Variants in MYO5C observed in about 807,000 individuals in gnomAD.
The protein encoded by MYO5C is unconventional myosin-Vc.
In MYO5C, 194 loss-of-function variants were observed where a neutral mutation model predicts 235.7. The observed-to-expected ratio is 0.82, with a 90% CI of 0.73 to 0.93. The LOEUF is 0.93. Among genes scored for constraint, MYO5C ranks in the 40% least tolerant of loss-of-function variants. The probability of loss-of-function intolerance (pLI) is 0.00; values close to 1 mark genes in which losing one functional copy is unlikely to be tolerated. For missense variants in MYO5C, 2,038 were observed against 2,127.2 expected, an observed-to-expected ratio of 0.96 and a Z score of 0.82; for synonymous variants, 707 against 754.8, an observed-to-expected ratio of 0.94 and a Z score of 1.04.
chr15:52,204,793 C>T (rs539529455), intron 38 of MYO5C, 72 bp downstream of exon 38: 19 of 1,534,356 alleles, frequency 1.2e-5, no homozygotes, highest in Admixed American at 3.7e-5. Flanking sequence ...GGGTCAGGCG[C>T]GTGGGGCCTC....
chr15:52,295,731 C>T lies in MYO5C; in HGVS notation c.-95G>A. On this transcript the variant is annotated 5_prime_UTR_variant, in exon 1 of 41. Transcript: ENST00000261839. ...AGAGGCCGGGCGCAGGAGAGACCGC[C>T]GCGGAAATCACCGCCGGGCCATCTT... The T allele has an allele frequency of 4.7e-6, 4 of 850,576 alleles. No homozygotes were observed. Among genetic ancestry groups the T allele is most frequent in the Admixed American group, 4.3e-5 (1 of 23,276 alleles). The allele number at this position is 850,576 out of a possible 1,614,324, so 52.7% of individuals were successfully genotyped here.
chr15:52,199,355 T>TG (rs2035130694), intron 38 of MYO5C, among the ~76,000 whole-genome samples: 1 of 152,166 alleles, frequency 6.6e-6, no homozygotes, highest in Non-Finnish European at 1.5e-5. Context: ...CCCAGTGAGA[T>TG]GGAGTAACCA....
chr15:52,231,469 G>T (rs934738264), intron 24 of MYO5C, among the ~76,000 whole-genome samples: 1 of 152,184 alleles, frequency 6.6e-6, no homozygotes, highest in Non-Finnish European at 1.5e-5. Flanking sequence ...GACAGATGCC[G>T]AGAGCCGAGC....
chr15:52,277,725 G>A (rs1294682472), intron 4 of MYO5C: 9 of 401,442 alleles, frequency 2.2e-5, no homozygotes, highest in Admixed American at 1.4e-4. Context: ...TGAGGATGAC[G>A]GCCCCACCCC....
chr15:52,264,695 G>T (rs1213727595), intron 8 of MYO5C, among the ~76,000 whole-genome samples: 1 of 152,136 alleles, frequency 6.6e-6, no homozygotes, highest in Non-Finnish European at 1.5e-5. Flanking sequence ...GAGGGATTCC[G>T]TTTGCCCCTC....
chr15:52,242,998 G>A (rs1458030432), intron 19 of MYO5C: 1 of 152,324 alleles, frequency 6.6e-6, no homozygotes, highest in South Asian at 2.1e-4. Context: ...AAATAGATGT[G>A]CACCATTTGT....
Position 52,272,437 on chromosome 15 carries a change from A to G in MYO5C, c.750+143T>C, listed in dbSNP as rs964944176. ...ATCCATCAATTTTTAATAAACAGAA[A>G]AAAGAATCCAAACTGCAAATGAAAG... On this transcript the variant is annotated intron_variant, in intron 6 of 40. Transcript: ENST00000261839. 12 of 769,758 alleles carry G rather than the reference A, an allele frequency of 1.6e-5. No individual in the cohort carries two copies. In the African/African-American group the frequency reaches 2.1e-4, roughly 14 times the overall value. 47.7% of individuals were successfully genotyped at this position (769,758 alleles called of 1,614,324 possible). A position where few individuals can be genotyped will look rare whatever the true frequency, so the allele number is the denominator to read the frequency against.
At chr15:52,210,108 C>T (rs1321711670) in intron 35 of MYO5C, among the ~76,000 whole-genome samples, 1 of 152,072 alleles carries the variant, frequency 6.6e-6, no homozygotes, top group Non-Finnish European at 1.5e-5. Context: ...GGACTACAGG[C>T]ACACACCACC....
At chr15:52,279,906 T>C (rs1045563816) in intron 2 of MYO5C, among the ~76,000 whole-genome samples, 1 of 152,264 alleles carries the variant, frequency 6.6e-6, no homozygotes, top group East Asian at 1.9e-4. Flanking sequence ...ACTCACCCTC[T>C]CTGGGCCTCA....
intron 38 of MYO5C, among the ~76,000 whole-genome samples, chr15:52,200,961 G>C (rs1157079573): frequency 1.3e-5 from 2 of 152,138 alleles, no homozygotes; most frequent in Non-Finnish European, 2.9e-5. Flanking sequence ...CAGTGAACTT[G>C]AAAGGATTAA....
Position 52,223,584 on chromosome 15 carries a change from C to G in MYO5C, c.3587G>C (p.Ser1196Thr). ...LFREENDINESIRHEVTRLTS... is the reference protein window; with the variant it reads ...LFREENDINETIRHEVTRLTS... ...TAGCCTGGTAACTTCATGACGGATG[C>G]TTTCATTGATGTCATTTTCTTCTCT... The change falls in exon 29 of 41, where the codon AGC becomes ACC. Residue 1196 changes from serine (S) to threonine (T), a missense_variant. Transcript: ENST00000261839. The G allele has an allele frequency of 6.2e-7, 1 of 1,614,142 alleles. No homozygotes were observed. Among genetic ancestry groups the G allele is most frequent in the Non-Finnish European group, 8.5e-7 (1 of 1,180,022 alleles).
In MYO5C at chr15:52,219,486, C is replaced by G. The variant is rs117661599; in HGVS notation, c.3785+273G>C. On this transcript the variant is annotated intron_variant, in intron 31 of 40. Transcript: ENST00000261839. Reference sequence around the variant, plus strand: ...CATACAGTGAAAAGTACGTGTCCTCCCCTCCTCTGTGTATCAGTCACCAAG... The same window carrying G: ...CATACAGTGAAAAGTACGTGTCCTCGCCTCCTCTGTGTATCAGTCACCAAG... 4.8e-3 allele frequency among the ~76,000 whole-genome samples: 734 copies of G among 152,330 alleles called. 14 individuals are homozygous for G. Among genetic ancestry groups the G allele is most frequent in the Admixed American group, 0.026 (391 of 15,302 alleles).
intron 25 of MYO5C, among the ~76,000 whole-genome samples, chr15:52,227,043 C>G (rs1412293991): frequency 6.6e-6 from 1 of 151,600 alleles, no homozygotes; most frequent in Non-Finnish European, 1.5e-5. Flanking sequence ...TCCCAGCTAC[C>G]TGGGAGGCTG....
chr15:52,192,404 ACTC>A lies in MYO5C; in HGVS notation c.*1495_*1497del, dbSNP rs1223688201. 3 of 152,188 alleles carry A rather than the reference ACTC, an allele frequency of 2.0e-5. No individual in the cohort carries two copies. Among genetic ancestry groups the A allele is most frequent in the African/African-American group, 7.2e-5 (3 of 41,434 alleles). 9.4% of individuals were successfully genotyped at this position (152,188 alleles called of 1,614,324 possible). A position where few individuals can be genotyped will look rare whatever the true frequency, so the allele number is the denominator to read the frequency against. ...TGTACAATGTATTGAAATGAACTAA[ACTC>A]AATCACTTATAATATAAAAAGACAT... On this transcript the variant is annotated 3_prime_UTR_variant, in exon 41 of 41. Coordinates refer to ENST00000261839, the MANE Select transcript of MYO5C (RefSeq NM_018728.4).
rs746518321 is a variant in MYO5C, at chr15:52,219,835, G to T, written c.3722-13C>A. ...TCTTCTAGTTTTCCTATAATGAGAA[G>T]AACTGTCAGTACTTTGGGGGGGCAC... On this transcript the variant is annotated splice_polypyrimidine_tract_variant and intron_variant, in intron 30 of 40. Transcript: ENST00000261839. 11 of 1,603,172 alleles carry T rather than the reference G, an allele frequency of 6.9e-6. No individual in the cohort carries two copies. The Admixed American group carries it at 1.5e-4, about 22-fold the overall frequency.
At chr15:52,250,188 G>A (rs899881338) in intron 13 of MYO5C, among the ~76,000 whole-genome samples, 1 of 151,382 alleles carries the variant, frequency 6.6e-6, no homozygotes, top group Non-Finnish European at 1.5e-5. Context: ...ATCTTTTCAG[G>A]AGCCCATCTG....
intron 12 of MYO5C, 49 bp downstream of exon 12, chr15:52,253,268 A>C: frequency 6.4e-7 from 1 of 1,566,762 alleles, no homozygotes; most frequent in Non-Finnish European, 8.7e-7. Flanking sequence ...CAAAATGCTC[A>C]TCTGTTACTA....
chr15:52,245,893 T>A (rs1438851169), intron 17 of MYO5C, 63 bp downstream of exon 17: 2 of 1,457,400 alleles, frequency 1.4e-6, no homozygotes, highest in Non-Finnish European at 1.9e-6. Context: ...GCCATGTCCT[T>A]GGTTCTCAGC....
chr15:52,269,887 T>C, intron 7 of MYO5C, 27 bp from the exon 8 acceptor site: 7 of 1,492,014 alleles, frequency 4.7e-6, no homozygotes, highest in Middle Eastern at 1.7e-4. Context: ...AGATTTGTTA[T>C]GTCTGTAACA....
Sources: gnomAD v4.1 joint callset for allele counts (sites outside exome capture counted in the v4.1 genomes callset) on GRCh38, gnomAD v4.1.1 for gene constraint, MANE v1.5 for transcripts, NCBI Gene and HGNC (gene_info 2026-07-23, HGNC 2026-07-21) for gene names.